Variants in HECW1 observed in about 807,000 individuals in gnomAD.
HECW1 encodes the protein HECT, C2 and WW domain containing E3 ubiquitin protein ligase 1.
In HECW1, 61 loss-of-function variants were observed where a neutral mutation model predicts 182.3. The observed-to-expected ratio is 0.33, with a 90% confidence interval of 0.27 to 0.41. The LOEUF is 0.41. Among genes scored for constraint, HECW1 ranks in the 10% least tolerant of loss-of-function variants. The pLI is 1.00. For synonymous variants in HECW1, 859 were observed against 832.6 expected (o/e 1.03, Z -0.55); for missense variants, 1,739 against 2,108.9 (o/e 0.82, Z 3.44).
At chr7:43,221,547 T>G (rs928340541) in intron 2 of HECW1, among the ~76,000 whole-genome samples, 1 of 24,080 alleles carries the variant, frequency 4.2e-5, no homozygotes, top group Admixed American at 3.2e-4. Flanking sequence ...GTTTTTTTTT[T>G]TTTTTTTTTT....
chr7:43,450,699 C>T (rs1185653643), intron 11 of HECW1, 129 bp from the exon 12 acceptor site: 1 of 648,376 alleles, frequency 1.5e-6, no homozygotes, highest in Non-Finnish European at 2.8e-6. Flanking sequence ...CAAACTGACA[C>T]ACACACACAA....
intron 2 of HECW1, among the ~76,000 whole-genome samples, chr7:43,208,600 T>C (rs546790353): frequency 6.6e-6 from 1 of 152,336 alleles, no homozygotes; most frequent in South Asian, 2.1e-4. Context: ...TAGGGTAATT[T>C]TTTGTGTCAG....
chr7:43,228,465 A>C lies in HECW1; in HGVS notation c.-31-15410A>C, dbSNP rs143674621. Among the ~76,000 whole-genome samples, 858 of 152,372 alleles carry C rather than the reference A, an allele frequency of 5.6e-3. 7 individuals carry two copies. Among genetic ancestry groups the C allele is most frequent in the African/African-American group, 0.019 (807 of 41,586 alleles). ...CACAACAGGGCAATATAAATTGGCT[A>C]AGAGAAGGTTGAAAATGTACCGTCA... On this transcript the variant is annotated intron_variant, in intron 2 of 29. Transcript: ENST00000395891.
intron 5 of HECW1, among the ~76,000 whole-genome samples, chr7:43,327,840 C>T (rs1810987273): frequency 6.6e-6 from 1 of 151,968 alleles, no homozygotes; most frequent in African/African-American, 2.4e-5. Flanking sequence ...ATCCTGTGTG[C>T]TAATGGGATG....
chr7:43,564,292 A>G lies in HECW1; in HGVS notation c.*2366A>G, dbSNP rs1361157570. 2.1e-5 allele frequency: 4 copies of G among 188,132 alleles called. No individual in the cohort carries two copies. The highest frequency in any genetic ancestry group is 1.1e-5 in the Non-Finnish European group (1 of 89,104). The allele number at this position is 188,132 out of a possible 1,614,324, so 11.7% of individuals were successfully genotyped here. ...GCACTCTCTTTCTAGTACTCACATT[A>G]TTTGTCAGGCATTGGAAAAGGAGAA... On this transcript the variant is annotated 3_prime_UTR_variant, in exon 30 of 30. Coordinates refer to ENST00000395891, the MANE Select transcript of HECW1 (RefSeq NM_015052.5).
At chr7:43,360,149 T>G (rs377540770) in intron 5 of HECW1, among the ~76,000 whole-genome samples, 1 of 152,094 alleles carries the variant, frequency 6.6e-6, no homozygotes, top group Non-Finnish European at 1.5e-5. Flanking sequence ...ATAATGGAGC[T>G]GAAATTCAAA....
intron 3 of HECW1, among the ~76,000 whole-genome samples, chr7:43,291,907 C>T (rs1234905660): frequency 2.0e-5 from 3 of 152,110 alleles, no homozygotes; most frequent in Admixed American, 6.5e-5. Flanking sequence ...TAGGGAAAGG[C>T]CCAGTTAAGA....
intron 5 of HECW1, among the ~76,000 whole-genome samples, chr7:43,332,995 C>T (rs1019500999): frequency 6.6e-6 from 1 of 152,142 alleles, no homozygotes; most frequent in Non-Finnish European, 1.5e-5. Flanking sequence ...AGACAGCCTG[C>T]CTTCAGAGAC....
In HECW1 at chr7:43,385,242, T is replaced by C. The variant is rs1293745117; in HGVS notation, c.556-11572T>C. On this transcript the variant is annotated intron_variant, in intron 6 of 29. Transcript: ENST00000395891. ...CCACCCCTCCCCTCTCCCCTCCCCTTCCCTCTCCCCTCCCCTCCCCTCTCC... is the reference window on the plus strand; with the variant it reads ...CCACCCCTCCCCTCTCCCCTCCCCTCCCCTCTCCCCTCCCCTCCCCTCTCC... Among the ~76,000 whole-genome samples, 7 of 3,186 alleles carry C rather than the reference T, an allele frequency of 2.2e-3. 1 individual carries two copies. The highest frequency in any genetic ancestry group is 2.6e-3 in the African/African-American group (2 of 776). The allele number at this position is 3,186 out of a possible 152,430, so 2.1% of individuals were successfully genotyped here.
intron 8 of HECW1, among the ~76,000 whole-genome samples, chr7:43,408,980 A>G (rs1385463698): frequency 6.6e-6 from 1 of 152,226 alleles, no homozygotes; most frequent in Non-Finnish European, 1.5e-5. Context: ...CTCCCACCAA[A>G]GGAACTTGCT....
At chr7:43,239,715 G>A (rs567597446) in intron 2 of HECW1, among the ~76,000 whole-genome samples, 1 of 152,342 alleles carries the variant, frequency 6.6e-6, no homozygotes, top group African/African-American at 2.4e-5. Flanking sequence ...GATTTCTGGG[G>A]ATGTCAGATA....
intron 5 of HECW1, among the ~76,000 whole-genome samples, chr7:43,351,972 G>C (rs1020801355): frequency 6.6e-6 from 1 of 152,118 alleles, no homozygotes; most frequent in Admixed American, 6.5e-5. Flanking sequence ...AATTACCAGA[G>C]CTTTCCTTTT....
chr7:43,325,911 C>T (rs1810714859), intron 5 of HECW1, among the ~76,000 whole-genome samples: 1 of 152,180 alleles, frequency 6.6e-6, no homozygotes, highest in African/African-American at 2.4e-5. Flanking sequence ...TTTTTAGCAC[C>T]TCATTTTAAA....
At chr7:43,375,108 C>T (rs2074273352) in intron 6 of HECW1, among the ~76,000 whole-genome samples, 1 of 152,176 alleles carries the variant, frequency 6.6e-6, no homozygotes, top group African/African-American at 2.4e-5. Context: ...AAATTTCCTT[C>T]AGTTTCTTGC....
At chr7:43,437,386 A>T (rs2076746884) in intron 8 of HECW1, among the ~76,000 whole-genome samples, 1 of 152,242 alleles carries the variant, frequency 6.6e-6, no homozygotes, top group South Asian at 2.1e-4. Context: ...TCCAATAAAC[A>T]TCCCTGTTAA....
intron 5 of HECW1, among the ~76,000 whole-genome samples, chr7:43,331,550 G>A (rs1009183767): frequency 1.3e-5 from 2 of 150,538 alleles, no homozygotes; most frequent in Non-Finnish European, 3.0e-5. Context: ...CCGAGATTGC[G>A]CCACTGCACT....
chr7:43,397,514 C>T (rs1429723977), intron 7 of HECW1, among the ~76,000 whole-genome samples: 1 of 152,092 alleles, frequency 6.6e-6, no homozygotes, highest in Non-Finnish European at 1.5e-5. Context: ...AAAAGAGAGT[C>T]AGCAAAGGGT....
intron 16 of HECW1, 58 bp downstream of exon 16, chr7:43,469,163 C>A: frequency 6.5e-7 from 1 of 1,545,180 alleles, no homozygotes; most frequent in Non-Finnish European, 8.9e-7. Flanking sequence ...CAGGGTGAAG[C>A]TAGCAAGGGC....
At chr7:43,119,069 T>A (rs1785328725) in intron 2 of HECW1, 2 of 152,274 alleles carry the variant, frequency 1.3e-5, no homozygotes, top group African/African-American at 4.8e-5. Context: ...ATATGAAATA[T>A]ATGAAGCAAA....
Sources: allele counts gnomAD v4.1 joint callset (sites outside exome capture counted in the v4.1 genomes callset), GRCh38; gene constraint gnomAD v4.1.1; transcripts MANE v1.5; gene names NCBI Gene and HGNC (gene_info 2026-07-23, HGNC 2026-07-21).